The following RIMS2 variants were observed in gnomAD, a reference collection of about 807,000 sequenced individuals.
The protein encoded by RIMS2 is regulating synaptic membrane exocytosis protein 2.
Under a neutral mutation model 174.4 loss-of-function variants are expected in RIMS2, and 59 were observed. The ratio of observed to expected loss-of-function variants is 0.34; its 90% CI spans 0.27 to 0.42. The LOEUF (loss-of-function observed/expected upper bound fraction) is 0.42, where lower values mean the gene tolerates loss of function less well. RIMS2 is among the 10% of genes least tolerant of loss of function. The pLI, the probability that RIMS2 is intolerant of heterozygous loss-of-function variation, is 1.00. For missense variants in RIMS2, 1,620 were observed against 1,666.3 expected (o/e 0.97, Z 0.48); for synonymous variants, 606 against 572.5 (o/e 1.06, Z -0.84).
chr8:103,895,299 A>T (rs2099271230), intron 4 of RIMS2, among the ~76,000 whole-genome samples: 1 of 151,368 alleles, frequency 6.6e-6, no homozygotes, highest in Non-Finnish European at 1.5e-5. Context: ...AAATTACCAT[A>T]GACTGGATAG....
In RIMS2 at chr8:103,568,556, G is replaced by A. The variant is rs1051977677; in HGVS notation, c.176+67494G>A. 1.7e-5 allele frequency: 8 copies of A among 471,078 alleles called. No homozygotes were observed. The East Asian group carries it at 3.8e-4, about 23-fold the overall frequency. 29.2% of individuals were successfully genotyped at this position (471,078 alleles called of 1,614,324 possible). A position where few individuals can be genotyped will look rare whatever the true frequency, so the allele number is the denominator to read the frequency against. On this transcript the variant is annotated intron_variant, in intron 1 of 23. Transcript: ENST00000504942. Reference sequence around the variant, plus strand: ...TAGTATTCACTGGTGCTATAAGTCTGGAAGAGACTGGCCATGGGTACTACT... The same window carrying A: ...TAGTATTCACTGGTGCTATAAGTCTAGAAGAGACTGGCCATGGGTACTACT...
At chr8:103,855,276 T>A (rs1169288101) in intron 3 of RIMS2, among the ~76,000 whole-genome samples, 1 of 152,020 alleles carries the variant, frequency 6.6e-6, no homozygotes, top group African/African-American at 2.4e-5. Flanking sequence ...TATCTATCAA[T>A]CTTGTTTATT....
intron 1 of RIMS2, among the ~76,000 whole-genome samples, chr8:103,685,938 T>TA (rs2096935576): frequency 6.6e-6 from 1 of 152,188 alleles, no homozygotes. Context: ...TTAACAATTT[T>TA]AGTCTTGCCA....
At chr8:104,010,645 AG>A (rs998665444) in intron 17 of RIMS2, among the ~76,000 whole-genome samples, 1 of 152,214 alleles carries the variant, frequency 6.6e-6, no homozygotes, top group African/African-American at 2.4e-5. Context: ...TACAAAAAAA[AG>A]AACTATAAAT....
chr8:103,631,089 T>C (rs1399081497), intron 1 of RIMS2, among the ~76,000 whole-genome samples: 3 of 152,260 alleles, frequency 2.0e-5, no homozygotes, highest in South Asian at 2.1e-4. Context: ...ACTCTGTTGA[T>C]AGTTTCTTTT....
chr8:103,678,553 G>T (rs1241262440), intron 1 of RIMS2, among the ~76,000 whole-genome samples: 1 of 152,116 alleles, frequency 6.6e-6, no homozygotes, highest in African/African-American at 2.4e-5. Flanking sequence ...ATAAGTAGGA[G>T]TATGGAAGTG....
intron 2 of RIMS2, among the ~76,000 whole-genome samples, chr8:103,709,396 GTGT>G (rs1397261865): frequency 1.3e-5 from 2 of 149,920 alleles, no homozygotes; most frequent in African/African-American, 2.5e-5. Context: ...TGGATGACAG[GTGT>G]TGTATATTTT....
intron 19 of RIMS2, among the ~76,000 whole-genome samples, chr8:104,163,122 T>C (rs2098773869): frequency 2.0e-5 from 3 of 152,186 alleles, no homozygotes; most frequent in Admixed American, 1.3e-4. Context: ...CCCTTGGGCT[T>C]TGAAAACTGT....
chr8:103,808,354 A>G lies in RIMS2; in HGVS notation c.698+41817A>G, dbSNP rs80197423. ...TAACTGATGAGTTAATGTGGAACTT[A>G]GCTCCTCAATGCTTTGTCATAAACC... On this transcript the variant is annotated intron_variant, in intron 3 of 23. Coordinates refer to ENST00000504942, the Ensembl canonical transcript of RIMS2. 7.0e-3 allele frequency among the ~76,000 whole-genome samples: 1,064 copies of G among 152,112 alleles called. 11 individuals carry two copies. Among genetic ancestry groups the G allele is most frequent in the African/African-American group, 0.025 (1,025 of 41,478 alleles).
chr8:103,705,745 T>C lies in RIMS2; in HGVS notation c.387+8449T>C, dbSNP rs116067796. 3.9e-3 allele frequency among the ~76,000 whole-genome samples: 600 copies of C among 152,198 alleles called. 4 individuals are homozygous for C. The highest frequency in any genetic ancestry group is 0.014 in the African/African-American group (572 of 41,574). On this transcript the variant is annotated intron_variant, in intron 2 of 23. Transcript: ENST00000504942. The stretch of plus-strand genomic sequence containing the variant: ...TGAAATCTAATAGCTTCTGCTGATC[T>C]GTTTTGTTTTCTACTTACATGGAAT...
chr8:103,517,171 C>T (rs1001298735), intron 1 of RIMS2, among the ~76,000 whole-genome samples: 1 of 151,976 alleles, frequency 6.6e-6, no homozygotes, highest in African/African-American at 2.4e-5. Context: ...TAGTTATATA[C>T]CAAGTGTTGA....
chr8:103,648,678 T>C (rs188598709), intron 1 of RIMS2, among the ~76,000 whole-genome samples: 197 of 152,374 alleles, frequency 1.3e-3, no homozygotes, highest in African/African-American at 4.4e-3. Context: ...AATTGAACCC[T>C]TTATCATTCC....
chr8:104,233,319 T>C (rs1450319024), intron 19 of RIMS2, among the ~76,000 whole-genome samples: 1 of 152,196 alleles, frequency 6.6e-6, no homozygotes, highest in Non-Finnish European at 1.5e-5. Context: ...CTTTTCATGT[T>C]ATGGTGACCT....
At chr8:103,969,145 C>A (rs754747671) in intron 15 of RIMS2, among the ~76,000 whole-genome samples, 29 of 151,828 alleles carry the variant, frequency 1.9e-4, no homozygotes, top group Admixed American at 9.2e-4. Flanking sequence ...AAGGGTTTTT[C>A]TTTTTTCTCT....
chr8:103,659,874 G>A (rs547237623), intron 1 of RIMS2, among the ~76,000 whole-genome samples: 2 of 152,364 alleles, frequency 1.3e-5, no homozygotes, highest in African/African-American at 4.8e-5. Context: ...TGACCAAAAT[G>A]CTGCTTCGAG....
chr8:103,632,863 A>G (rs1440611098), intron 1 of RIMS2, among the ~76,000 whole-genome samples: 1 of 144,206 alleles, frequency 6.9e-6, no homozygotes, highest in Non-Finnish European at 1.5e-5. Flanking sequence ...CCTTCCGAGT[A>G]GCTGGGACTA....
intron 19 of RIMS2, among the ~76,000 whole-genome samples, chr8:104,101,287 C>T (rs2097894694): frequency 6.6e-6 from 1 of 151,482 alleles, no homozygotes; most frequent in Admixed American, 6.6e-5. Context: ...CCACCATGCC[C>T]AGCCAATTTT....
chr8:104,121,056 CTACACATAGGCAATTATGG>C (rs1298170916), intron 19 of RIMS2, among the ~76,000 whole-genome samples: 10 of 152,030 alleles, frequency 6.6e-5, no homozygotes, highest in South Asian at 4.1e-4. Flanking sequence ...TTTCTAGCTG[CTACACATAGGCAATTATGG>C]TACTTCGTGG....
chr8:103,778,266 A>C (rs1436790020), intron 3 of RIMS2, among the ~76,000 whole-genome samples: 1 of 152,062 alleles, frequency 6.6e-6, no homozygotes, highest in Non-Finnish European at 1.5e-5. Context: ...TGCTGGTAAT[A>C]TTCAAATTTT....
Sources: gnomAD v4.1 joint callset for allele counts (sites outside exome capture counted in the v4.1 genomes callset) on GRCh38, gnomAD v4.1.1 for gene constraint, MANE v1.5 for transcripts, NCBI Gene and HGNC (gene_info 2026-07-23, HGNC 2026-07-21) for gene names.